The following ATP10B variants were observed in gnomAD, a reference collection of about 807,000 sequenced individuals.
ATP10B encodes ATPase phospholipid transporting 10B (putative), also known as phospholipid-transporting ATPase VB.
In ATP10B, 122 loss-of-function variants were observed where a neutral mutation model predicts 141.2. The observed-to-expected ratio is 0.86, with a 90% CI of 0.75 to 1.00. The LOEUF is 1.00. Ranked by LOEUF, ATP10B falls within the 50% of genes least tolerant of loss-of-function variation. The pLI is 0.00. For synonymous variants in ATP10B, 685 were observed against 692.0 expected (o/e 0.99, Z 0.16); for missense variants, 1,876 against 1,825.3 (o/e 1.03, Z -0.51).
chr5:160,616,480 C>T (rs1455322191), intron 16 of ATP10B, among the ~76,000 whole-genome samples: 1 of 152,148 alleles, frequency 6.6e-6, no homozygotes, highest in East Asian at 1.9e-4. Flanking sequence ...GGCCTTCCTT[C>T]TGTTCCTTGA....
At chr5:160,890,538 C>T in the ATP10B span, among the ~76,000 whole-genome samples, 1 of 142,692 alleles carries the variant, frequency 7.0e-6, no homozygotes, top group African/African-American at 2.5e-5. Flanking sequence ...TATTATATAA[C>T]ATGTGGCTCT....
intron 1 of ATP10B, among the ~76,000 whole-genome samples, chr5:160,807,038 A>G (rs1286356674): frequency 1.3e-5 from 2 of 152,216 alleles, no homozygotes; most frequent in Admixed American, 6.5e-5. Context: ...CAACCCAGTA[A>G]AGAGAGAATC....
intron 2 of ATP10B, among the ~76,000 whole-genome samples, chr5:160,774,079 G>GT (rs1366472873): frequency 6.6e-6 from 1 of 152,174 alleles, no homozygotes; most frequent in African/African-American, 2.4e-5. Context: ...AAATGCAGCA[G>GT]TTTTTCCTAA....
At chr5:160,634,681 A>G (rs569692381) in intron 11 of ATP10B, 75 bp from the exon 12 acceptor site, 4 of 1,488,448 alleles carry the variant, frequency 2.7e-6, no homozygotes, top group East Asian at 2.3e-5. Flanking sequence ...AGCAGGTAGC[A>G]AAGGCATTTC....
chr5:160,847,545 C>A (rs530068558), intron 1 of ATP10B, among the ~76,000 whole-genome samples: 23 of 152,290 alleles, frequency 1.5e-4, no homozygotes, highest in Non-Finnish European at 2.9e-4. Flanking sequence ...AGAACCTGTG[C>A]TGTTAAACTT....
At chr5:160,755,865 ATATATATATAT>A (rs1388652620) in intron 2 of ATP10B, among the ~76,000 whole-genome samples, 5,206 of 124,338 alleles carry the variant, frequency 0.042, 504 homozygotes, top group African/African-American at 0.15. Flanking sequence ...ATATATATAT[ATATATATATAT>A]ATTATAATTT....
chr5:160,880,628 A>C, the ATP10B span, among the ~76,000 whole-genome samples: 2 of 152,218 alleles, frequency 1.3e-5, no homozygotes, highest in African/African-American at 4.8e-5. Context: ...ATAGAACCAC[A>C]TAAGACCCAT....
rs1561731930 is a variant in ATP10B at position 160,670,685 on chromosome 5, C to A, written c.471-18G>T. Reference sequence around the variant, plus strand: ...GCTCTTTTCTTGGGTGAGAGAAAGACAGGGTGTGAGTGAGCTTTAAGTTTC... The same window carrying A: ...GCTCTTTTCTTGGGTGAGAGAAAGAAAGGGTGTGAGTGAGCTTTAAGTTTC... On this transcript the variant is annotated intron_variant, in intron 6 of 25. Coordinates refer to ENST00000327245, the MANE Select transcript of ATP10B (RefSeq NM_025153.3). 3 of 1,609,806 alleles carry A rather than the reference C, an allele frequency of 1.9e-6. No individual in the cohort carries two copies. The highest frequency in any genetic ancestry group is 1.7e-6 in the Non-Finnish European group (2 of 1,177,720).
chr5:160,694,068 G>T (rs1375670748), intron 3 of ATP10B, among the ~76,000 whole-genome samples: 1 of 152,344 alleles, frequency 6.6e-6, no homozygotes, highest in Admixed American at 6.5e-5. Flanking sequence ...CCAGGGAAAT[G>T]ACACATTGTG....
intron 1 of ATP10B, among the ~76,000 whole-genome samples, chr5:160,833,298 T>G (rs1474736187): frequency 6.6e-6 from 1 of 152,182 alleles, no homozygotes; most frequent in African/African-American, 2.4e-5. Context: ...TCACTAATAA[T>G]TAGGTTCTAA....
intron 2 of ATP10B, among the ~76,000 whole-genome samples, chr5:160,737,291 G>C (rs1767186328): frequency 6.6e-6 from 1 of 152,104 alleles, no homozygotes; most frequent in African/African-American, 2.4e-5. Flanking sequence ...ACCCTCAACT[G>C]GTGTCATATT....
the ATP10B span, among the ~76,000 whole-genome samples, chr5:160,913,778 G>A: frequency 1.3e-5 from 2 of 152,172 alleles, no homozygotes. Flanking sequence ...AGCATGCAGT[G>A]TTACTGGGCC....
intron 3 of ATP10B, among the ~76,000 whole-genome samples, chr5:160,715,390 G>A (rs1013250109): frequency 7.0e-5 from 10 of 142,706 alleles, no homozygotes; most frequent in East Asian, 2.1e-4. Flanking sequence ...AGGTGCGTCC[G>A]TCACCCCTTT....
intron 13 of ATP10B, among the ~76,000 whole-genome samples, chr5:160,628,941 T>C (rs1264067638): frequency 6.6e-6 from 1 of 151,202 alleles, no homozygotes; most frequent in African/African-American, 2.4e-5. Context: ...TTTTTTGTCA[T>C]AAAAGAAAAA....
rs1271247260 is a variant in ATP10B, at chr5:160,716,803, C to T, written c.-205+106G>A. 5.2e-6 allele frequency: 4 copies of T among 773,600 alleles called. No homozygotes were observed. In the African/African-American group the frequency reaches 5.7e-5, roughly 11 times the overall value. 47.9% of individuals were successfully genotyped at this position (773,600 alleles called of 1,614,324 possible). A position where few individuals can be genotyped will look rare whatever the true frequency, so the allele number is the denominator to read the frequency against. On this transcript the variant is annotated intron_variant, in intron 3 of 25. Coordinates refer to ENST00000327245, the MANE Select transcript of ATP10B (RefSeq NM_025153.3). The stretch of plus-strand genomic sequence containing the variant: ...CATCATCCTTAGCTCTGGTTTCCAT[C>T]ATCAAGGTGGTGTCATGAACCAAAG...
At chr5:160,749,208 GGAGA>G (rs1363809712) in intron 2 of ATP10B, among the ~76,000 whole-genome samples, 1 of 152,196 alleles carries the variant, frequency 6.6e-6, no homozygotes, top group Non-Finnish European at 1.5e-5. Flanking sequence ...GAGGGTGCAG[GGAGA>G]GATTCATTCA....
upstream of ATP10B, among the ~76,000 whole-genome samples, chr5:160,856,833 A>C (rs1255629529): frequency 6.6e-6 from 1 of 151,554 alleles, no homozygotes; most frequent in Non-Finnish European, 1.5e-5. Context: ...TGATCATGTA[A>C]TTTTTCTGCT....
At chr5:160,661,409 C>A (rs2127713216) in intron 7 of ATP10B, among the ~76,000 whole-genome samples, 1 of 152,104 alleles carries the variant, frequency 6.6e-6, no homozygotes, top group African/African-American at 2.4e-5. Flanking sequence ...AAGCTGATAT[C>A]AAAGAATTGT....
chr5:160,619,878 T>C (rs1317331820), intron 15 of ATP10B, among the ~76,000 whole-genome samples: 1 of 152,182 alleles, frequency 6.6e-6, no homozygotes, highest in Admixed American at 6.5e-5. Flanking sequence ...TGAAACAAGC[T>C]CTGACCTGGA....
Sources: allele counts gnomAD v4.1 joint callset (sites outside exome capture counted in the v4.1 genomes callset), GRCh38; gene constraint gnomAD v4.1.1; transcripts MANE v1.5; gene names NCBI Gene and HGNC (gene_info 2026-07-23, HGNC 2026-07-21).